Variants in KCNN2 observed in about 807,000 individuals in gnomAD.
The protein encoded by KCNN2 is potassium calcium-activated channel subfamily N member 2.
In KCNN2, 24 loss-of-function variants were observed where a neutral mutation model predicts 55.5. The ratio of observed to expected loss-of-function variants is 0.43; its 90% CI spans 0.31 to 0.61. The LOEUF is 0.61. KCNN2 is among the 20% of genes least tolerant of loss of function. KCNN2 has a pLI of 0.08. For synonymous variants in KCNN2, 431 were observed against 336.1 expected (o/e 1.28, Z -3.09); for missense variants, 754 against 853.6 (o/e 0.88, Z 1.45).
In KCNN2 at chr5:114,202,803, G is replaced by A. The variant is rs1753701859; in HGVS notation, c.-270-18677G>A. ...GGGTTTCACCGTGTTAGCCAGGATG[G>A]TCTCGGTCTCCTGACCTCGTGATCT... On this transcript the variant is annotated intron_variant, in intron 1 of 10. Coordinates refer to the KCNN2 transcript ENST00000512097. Among the ~76,000 whole-genome samples the A allele has an allele frequency of 2.0e-5, 3 of 151,860 alleles. No individual in the cohort carries two copies. In the South Asian group the frequency reaches 6.2e-4, roughly 32 times the overall value.
chr5:114,276,936 G>A (rs932540062), intron 2 of KCNN2, among the ~76,000 whole-genome samples: 2 of 152,020 alleles, frequency 1.3e-5, no homozygotes, highest in African/African-American at 2.4e-5. Flanking sequence ...TCATAGTGTC[G>A]ATGGTCTTTA....
chr5:114,113,264 C>CT (rs1751639301), intron 1 of KCNN2, among the ~76,000 whole-genome samples: 1 of 151,962 alleles, frequency 6.6e-6, no homozygotes, highest in Non-Finnish European at 1.5e-5. Flanking sequence ...CTCAGAATGA[C>CT]TGTCAGCTGC....
At chr5:114,339,814 C>CAAACAAACAAAT (rs1554082213) in intron 2 of KCNN2, among the ~76,000 whole-genome samples, 9 of 147,164 alleles carry the variant, frequency 6.1e-5, no homozygotes, top group Admixed American at 2.0e-4. Context: ...AACAAACAAA[C>CAAACAAACAAAT]AAATAAATAA....
chr5:114,134,064 G>A (rs1016825538), intron 1 of KCNN2, among the ~76,000 whole-genome samples: 10 of 152,024 alleles, frequency 6.6e-5, no homozygotes, highest in African/African-American at 2.4e-4. Context: ...ATGGCAACTG[G>A]GCCACGGGTA....
intron 2 of KCNN2, among the ~76,000 whole-genome samples, chr5:114,388,833 G>T (rs1758363246): frequency 6.6e-6 from 1 of 151,930 alleles, no homozygotes; most frequent in Non-Finnish European, 1.5e-5. Flanking sequence ...TTAACAATCT[G>T]GATAGGAATA....
At chr5:114,478,931 C>T (rs1332158803) in intron 5 of KCNN2, among the ~76,000 whole-genome samples, 1 of 152,134 alleles carries the variant, frequency 6.6e-6, no homozygotes. Flanking sequence ...CCGTTACCAC[C>T]CACTACAAAA....
intron 2 of KCNN2, among the ~76,000 whole-genome samples, chr5:114,225,785 C>G (rs1754228033): frequency 6.6e-6 from 1 of 152,138 alleles, no homozygotes; most frequent in South Asian, 2.1e-4. Context: ...GAACCTAAAT[C>G]CTTATAGCCA....
chr5:114,363,853 G>T, intron 1 of KCNN2, 53 bp from the exon 2 acceptor site: 1 of 1,313,814 alleles, frequency 7.6e-7, no homozygotes, highest in South Asian at 1.2e-5. Context: ...GGACGTGGAA[G>T]GCGGTTAAAA....
chr5:114,113,335 G>A (rs942801160), intron 1 of KCNN2, among the ~76,000 whole-genome samples: 3 of 151,768 alleles, frequency 2.0e-5, no homozygotes, highest in Admixed American at 6.6e-5. Flanking sequence ...GTCAGATCTC[G>A]GTCTCATTAT....
At chr5:114,343,625 T>C (rs2150037433) in intron 2 of KCNN2, among the ~76,000 whole-genome samples, 1 of 151,996 alleles carries the variant, frequency 6.6e-6, no homozygotes, top group Admixed American at 6.5e-5. Flanking sequence ...GAAAGAATGC[T>C]CATCTCTCCA....
chr5:114,126,105 T>C (rs1460243677), intron 1 of KCNN2, among the ~76,000 whole-genome samples: 1 of 152,162 alleles, frequency 6.6e-6, no homozygotes, highest in East Asian at 1.9e-4. Flanking sequence ...CTTCACATCA[T>C]TTTCCAGCTG....
chr5:114,388,081 A>G (rs945592952), intron 2 of KCNN2, among the ~76,000 whole-genome samples: 1 of 152,182 alleles, frequency 6.6e-6, no homozygotes, highest in Non-Finnish European at 1.5e-5. Flanking sequence ...AATTTCATAG[A>G]TGCTATGCTG....
chr5:114,177,141 G>GTA (rs1554073173), intron 1 of KCNN2, among the ~76,000 whole-genome samples: 1 of 143,582 alleles, frequency 7.0e-6, no homozygotes, highest in Non-Finnish European at 1.5e-5. Flanking sequence ...TAATATGCTG[G>GTA]TTTTTTTTTT....
In KCNN2 at chr5:114,251,701, TCA is replaced by T. The variant is rs540941855; in HGVS notation, c.-185+30139_-185+30140del. ...CTGAACTGTTATATTTTGCATCTTC[TCA>T]CAATTACATTGTACTTTGTTGGTTG... is the stretch of plus-strand genomic sequence containing the variant. On this transcript the variant is annotated intron_variant, in intron 2 of 10. Coordinates refer to the KCNN2 transcript ENST00000512097. Among the ~76,000 whole-genome samples the T allele has an allele frequency of 3.4e-3, 523 of 152,300 alleles. 13 individuals carry two copies. Among genetic ancestry groups the T allele is most frequent in the Admixed American group, 5.0e-3 (76 of 15,288 alleles).
chr5:114,458,636 G>A (rs940860037), intron 3 of KCNN2, among the ~76,000 whole-genome samples: 9 of 152,078 alleles, frequency 5.9e-5, no homozygotes, highest in Non-Finnish European at 4.4e-5. Flanking sequence ...TTATAATTTC[G>A]ATTCTAAGGG....
At chr5:114,072,285 T>C (rs1750589020) in intron 1 of KCNN2, among the ~76,000 whole-genome samples, 1 of 148,908 alleles carries the variant, frequency 6.7e-6, no homozygotes. Context: ...AGAGTAAAAC[T>C]CCATCTAAAA....
rs1402710177 is a variant in KCNN2 at position 114,350,140 on chromosome 5, A to G, written c.-184-10805A>G. Among the ~76,000 whole-genome samples, 3 of 151,950 alleles carry G rather than the reference A, an allele frequency of 2.0e-5. No homozygotes were observed. In the East Asian group the frequency reaches 5.8e-4, roughly 29 times the overall value. ...TTATTTTTATTTGCAATTGACACAG[A>G]ATTGTACATATTTATAGGATACAGT... On this transcript the variant is annotated intron_variant, in intron 2 of 10. Transcript: ENST00000512097.
intron 1 of KCNN2, among the ~76,000 whole-genome samples, chr5:114,079,178 TAA>T (rs928045823): frequency 7.2e-5 from 11 of 152,314 alleles, no homozygotes; most frequent in East Asian, 1.9e-4. Flanking sequence ...AAAATAAAGT[TAA>T]GTTTGTTTCT....
intron 1 of KCNN2, among the ~76,000 whole-genome samples, chr5:114,061,337 G>T (rs1455861096): frequency 6.6e-6 from 1 of 152,042 alleles, no homozygotes; most frequent in Non-Finnish European, 1.5e-5. Flanking sequence ...GTAATATGGT[G>T]GTCCCTTGTA....
Sources: allele counts gnomAD v4.1 joint callset (sites outside exome capture counted in the v4.1 genomes callset), GRCh38; gene constraint gnomAD v4.1.1; transcripts MANE v1.5; gene names NCBI Gene and HGNC (gene_info 2026-07-23, HGNC 2026-07-21).